KCNQ3: variants seen among roughly 807,000 people sequenced by gnomAD.
The protein encoded by KCNQ3 is potassium voltage-gated channel subfamily Q member 3, also known as potassium voltage-gated channel subfamily KQT member 3.
In KCNQ3, 30 loss-of-function variants were observed where a neutral mutation model predicts 92.5. That is an observed-to-expected ratio of 0.32 (90% CI 0.24 to 0.44). The LOEUF (loss-of-function observed/expected upper bound fraction) is 0.44. Among genes scored for constraint, KCNQ3 ranks in the 20% least tolerant of loss-of-function variants. KCNQ3 has a pLI of 1.00. For synonymous variants in KCNQ3, 450 were observed against 468.8 expected (o/e 0.96, Z 0.52); for missense variants, 913 against 1,140.3 (o/e 0.80, Z 2.87).
intron 1 of KCNQ3, among the ~76,000 whole-genome samples, chr8:132,285,853 C>T (rs1816665468): frequency 6.6e-6 from 1 of 152,142 alleles, no homozygotes; most frequent in African/African-American, 2.4e-5. Context: ...GCTGACTGCC[C>T]AGGCTACCTA....
intron 1 of KCNQ3, among the ~76,000 whole-genome samples, chr8:132,245,231 C>G (rs960303630): frequency 2.0e-5 from 3 of 152,134 alleles, no homozygotes; most frequent in African/African-American, 7.2e-5. Context: ...TGTAAGGGTT[C>G]TCAGAGAGAG....
In KCNQ3 at chr8:132,123,613, A is replaced by G. The variant is rs1241918040; in HGVS notation, c.*5649T>C. ...TTTTAGTTTTGTCTCTAACATCTGG[A>G]GCAAAGATCAGAAGACCTGAGTTCC... On this transcript the variant is annotated 3_prime_UTR_variant, in exon 15 of 15. Coordinates refer to ENST00000388996, the MANE Select transcript of KCNQ3 (RefSeq NM_004519.4). The G allele has an allele frequency of 6.6e-6, 1 of 152,088 alleles. No individual in the cohort carries two copies. The highest frequency in any genetic ancestry group is 1.5e-5 in the Non-Finnish European group (1 of 68,018). 9.4% of individuals were successfully genotyped at this position (152,088 alleles called of 1,614,324 possible).
chr8:132,234,787 C>A (rs1586851400), intron 1 of KCNQ3, among the ~76,000 whole-genome samples: 2 of 152,288 alleles, frequency 1.3e-5, no homozygotes, highest in Non-Finnish European at 2.9e-5. Flanking sequence ...CTTGTCACCA[C>A]ATCAGGTTGC....
At chr8:132,306,821 C>T (rs1817439237) in intron 1 of KCNQ3, among the ~76,000 whole-genome samples, 1 of 152,152 alleles carries the variant, frequency 6.6e-6, no homozygotes, top group African/African-American at 2.4e-5. Context: ...ATGGAATATT[C>T]CCTAGCTTAA....
rs1164773143 is a variant in KCNQ3 at position 132,224,081 on chromosome 8, A to ATTT, written c.387-37903_387-37901dup. Among the ~76,000 whole-genome samples, 225 of 39,416 alleles carry ATTT rather than the reference A, an allele frequency of 5.7e-3. 11 individuals are homozygous for ATTT. The highest frequency in any genetic ancestry group is 0.017 in the African/African-American group (208 of 11,944). The allele number at this position is 39,416 out of a possible 152,430, so 25.9% of individuals were successfully genotyped here. A position where few individuals can be genotyped will look rare whatever the true frequency, so the allele number is the denominator to read the frequency against. On this transcript the variant is annotated intron_variant, in intron 1 of 14. Coordinates refer to ENST00000388996, the MANE Select transcript of KCNQ3 (RefSeq NM_004519.4). ...CAGACACACACCATCATGCCAGGCT[A>ATTT]TTTTTTTTTTTTTTTTTTTTTTTTT... is the stretch of plus-strand genomic sequence containing the variant.
intron 1 of KCNQ3, among the ~76,000 whole-genome samples, chr8:132,255,556 A>G (rs1815556760): frequency 6.6e-6 from 1 of 152,220 alleles, no homozygotes; most frequent in Non-Finnish European, 1.5e-5. Flanking sequence ...TGCATACCCA[A>G]TAAAGACCCG....
intron 1 of KCNQ3, among the ~76,000 whole-genome samples, chr8:132,310,746 C>T (rs533756381): frequency 1.4e-4 from 21 of 152,294 alleles, no homozygotes; most frequent in Non-Finnish European, 2.9e-4. Flanking sequence ...GGTATGTGAG[C>T]TGAGTGGTCT....
At chr8:132,354,458 A>G (rs1432305836) in intron 1 of KCNQ3, among the ~76,000 whole-genome samples, 1 of 152,164 alleles carries the variant, frequency 6.6e-6, no homozygotes, top group East Asian at 1.9e-4. Context: ...GGCATTAGTT[A>G]TATTATCTGA....
At chr8:132,192,522 T>A (rs1014932710) in intron 1 of KCNQ3, among the ~76,000 whole-genome samples, 2 of 152,238 alleles carry the variant, frequency 1.3e-5, no homozygotes, top group African/African-American at 4.8e-5. Flanking sequence ...CCTGGTTTTC[T>A]GCTTCTCTTC....
chr8:132,187,887 G>A (rs550345804), intron 1 of KCNQ3, among the ~76,000 whole-genome samples: 25 of 93,230 alleles, frequency 2.7e-4, no homozygotes, highest in Non-Finnish European at 4.6e-4. Flanking sequence ...TGATGGTGGC[G>A]GTGGTGGTGG....
chr8:132,141,059 G>A, intron 10 of KCNQ3, 70 bp downstream of exon 10: 1 of 1,399,640 alleles, frequency 7.1e-7, no homozygotes, highest in Non-Finnish European at 1.0e-6. Flanking sequence ...CAAAGGGAGA[G>A]GTGAGGAAGG....
In KCNQ3 at chr8:132,129,059, A is replaced by ACCATGACTTCAGCTT; in HGVS notation, c.*202_*203insAAGCTGAAGTCATGG. On this transcript the variant is annotated 3_prime_UTR_variant, in exon 15 of 15. Transcript: ENST00000388996. The surrounding 1 kb of genome is among the most constrained non-coding windows in gnomAD (Gnocchi z 5.9). ...ATTTATATAGTGTAAAGTCATGCAA[A>ACCATGACTTCAGCTT]CCATGCTGAAAAGGAAGCACTTTGT... 1 of 611,058 alleles carries ACCATGACTTCAGCTT rather than the reference A, an allele frequency of 1.6e-6. No homozygotes were observed. The highest frequency in any genetic ancestry group is 2.9e-6 in the Non-Finnish European group (1 of 345,558). 37.9% of individuals were successfully genotyped at this position (611,058 alleles called of 1,614,324 possible).
At chr8:132,278,592 T>A (rs1446020528) in intron 1 of KCNQ3, among the ~76,000 whole-genome samples, 1 of 152,192 alleles carries the variant, frequency 6.6e-6, no homozygotes, top group Non-Finnish European at 1.5e-5. Context: ...TGTTCCCGCC[T>A]AAGTTAGTGA....
chr8:132,209,204 C>T (rs193039910), intron 1 of KCNQ3, among the ~76,000 whole-genome samples: 123 of 152,234 alleles, frequency 8.1e-4, no homozygotes, highest in Middle Eastern at 6.8e-3. Flanking sequence ...GGTCAGACTT[C>T]CCATTCACTA....
chr8:132,239,942 C>T (rs908681640), intron 1 of KCNQ3, among the ~76,000 whole-genome samples: 1 of 152,198 alleles, frequency 6.6e-6, no homozygotes, highest in Non-Finnish European at 1.5e-5. Flanking sequence ...TTCCATTTCA[C>T]TTTCAATCAC....
rs1358216927 is a variant in KCNQ3, at chr8:132,122,511, A to T, written c.*6751T>A. 6.6e-6 allele frequency: 1 copy of T among 152,216 alleles called. No individual in the cohort carries two copies. Among genetic ancestry groups the T allele is most frequent in the African/African-American group, 2.4e-5 (1 of 41,462 alleles). 9.4% of individuals were successfully genotyped at this position (152,216 alleles called of 1,614,324 possible). On this transcript the variant is annotated 3_prime_UTR_variant, in exon 15 of 15. Transcript: ENST00000388996. ...ACTACCTCATTGTAAGCCATTCTCA[A>T]GTTATTCTTATATACAGCCGATTTT...
rs749955464 is a variant in KCNQ3, at chr8:132,372,759, C to CAAAAAAAA, written c.386+107380_386+107387dup. 1.5e-4 allele frequency among the ~76,000 whole-genome samples: 10 copies of CAAAAAAAA among 67,728 alleles called. 3 individuals are homozygous for CAAAAAAAA. The highest frequency in any genetic ancestry group is 4.6e-4 in the African/African-American group (7 of 15,196). 44.4% of individuals were successfully genotyped at this position (67,728 alleles called of 152,430 possible). ...TGGGCCACAGAGTGAGACTTTGTCT[C>CAAAAAAAA]AAAAAAAAAAAAACAAAAAAAAAAA... On this transcript the variant is annotated intron_variant, in intron 1 of 14. Transcript: ENST00000388996.
intron 1 of KCNQ3, among the ~76,000 whole-genome samples, chr8:132,418,527 T>C (rs950445771): frequency 5.3e-5 from 8 of 152,358 alleles, no homozygotes; most frequent in African/African-American, 1.9e-4. Flanking sequence ...GGTTCACACC[T>C]GTAATCCCAG....
chr8:132,207,826 A>T (rs999650833), intron 1 of KCNQ3, among the ~76,000 whole-genome samples: 1 of 151,828 alleles, frequency 6.6e-6, no homozygotes, highest in African/African-American at 2.4e-5. Flanking sequence ...AGCATGACAC[A>T]AACATGGATT....
Sources: allele counts gnomAD v4.1 joint callset (sites outside exome capture counted in the v4.1 genomes callset), GRCh38; gene constraint gnomAD v4.1.1; non-coding constraint Gnocchi (gnomAD v3.1); transcripts MANE v1.5; gene names NCBI Gene and HGNC (gene_info 2026-07-23, HGNC 2026-07-21).